STRN3: variants seen among roughly 807,000 people sequenced by gnomAD.
STRN3 encodes the protein striatin 3.
STRN3 carries 29 observed loss-of-function variants against 95.6 expected under a neutral mutation model. The ratio of observed to expected loss-of-function variants is 0.30; its 90% CI spans 0.23 to 0.41. The LOEUF (loss-of-function observed/expected upper bound fraction) is 0.41. Ranked by LOEUF, STRN3 falls within the 10% of genes least tolerant of loss-of-function variation. The pLI, the probability that STRN3 is intolerant of heterozygous loss-of-function variation, is 1.00. For missense variants in STRN3, 890 were observed against 972.1 expected, an observed-to-expected ratio of 0.92 and a Z score of 1.12; for synonymous variants, 331 against 357.6, an observed-to-expected ratio of 0.93 and a Z score of 0.84.
In STRN3 at chr14:30,895,704, T is replaced by C. The variant is rs770831475; in HGVS notation, c.2182A>G (p.Ser728Gly). 6.2e-7 allele frequency: 1 copy of C among 1,614,086 alleles called. No individual in the cohort carries two copies. The highest frequency in any genetic ancestry group is 8.5e-7 in the Non-Finnish European group (1 of 1,179,996). ...SMVAHLDAVT[S>G]LAVDPNGIYL... ...ATTCCATTAGGATCTACTGCTAGAC[T>C]TGTAACAGCATCCAAGTGAGCTACC... Residue 728 changes from serine to glycine, a missense_variant, in exon 17 of 18, where the codon AGT becomes GGT. Around this residue, in one of 3 missense-constraint regions of STRN3, gnomAD observed 357 missense variants for 422.8 expected, o/e 0.84. Coordinates refer to ENST00000357479, the MANE Select transcript of STRN3 (RefSeq NM_001083893.2).
In STRN3 at chr14:30,956,203, C is replaced by T. The variant is rs745520458; in HGVS notation, c.322G>A (p.Glu108Lys). 6.2e-7 allele frequency: 1 copy of T among 1,613,932 alleles called. No homozygotes were observed. The highest frequency in any genetic ancestry group is 1.7e-5 in the Admixed American group (1 of 60,004). Residue 108 changes from glutamate to lysine, a missense_variant, in exon 2 of 18, where the codon GAG (glutamate) becomes AAG (lysine). By Grantham distance (56) the Glu-to-Lys change is moderately conservative (BLOSUM62 1). Around this residue, in one of 3 missense-constraint regions of STRN3, gnomAD observed 526 missense variants for 526.3 expected, o/e 1.00. Transcript: ENST00000357479. Reference sequence around the variant, plus strand: ...CTTACTAAGTCCTTCTTCAGGTTCTCTTGACCTTTTCTTTCGCCTTGTAGA... The same window carrying T: ...CTTACTAAGTCCTTCTTCAGGTTCTTTTGACCTTTTCTTTCGCCTTGTAGA... ...AFLQGERKGQ[E>K]NLKKDLVRRI...
At chr14:30,954,096 T>C (rs1294835920) in intron 3 of STRN3, among the ~76,000 whole-genome samples, 5 of 152,192 alleles carry the variant, frequency 3.3e-5, no homozygotes, top group Non-Finnish European at 7.3e-5. Flanking sequence ...CAGTGTCTAA[T>C]TGTATTCCAT....
chr14:31,009,931 T>C (rs1049947640), intron 1 of STRN3, among the ~76,000 whole-genome samples: 1 of 151,878 alleles, frequency 6.6e-6, no homozygotes, highest in Non-Finnish European at 1.5e-5. Context: ...AGACACCATC[T>C]CCATGAAAAA....
chr14:30,994,346 A>G (rs1276325484), intron 1 of STRN3, among the ~76,000 whole-genome samples: 1 of 152,194 alleles, frequency 6.6e-6, no homozygotes, highest in Non-Finnish European at 1.5e-5. Flanking sequence ...TTTCTTTAAA[A>G]TCGTTTAGAA....
At chr14:30,926,536 T>C (rs1345774780) in intron 8 of STRN3, among the ~76,000 whole-genome samples, 1 of 151,888 alleles carries the variant, frequency 6.6e-6, no homozygotes, top group African/African-American at 2.4e-5. Flanking sequence ...CTACTTCTTA[T>C]ATTACTTCTT....
At chr14:30,928,244 G>C (rs915800322) in intron 8 of STRN3, among the ~76,000 whole-genome samples, 3 of 152,042 alleles carry the variant, frequency 2.0e-5, no homozygotes, top group Non-Finnish European at 4.4e-5. Context: ...CACTCAAAAA[G>C]GTTTTACTGA....
At chr14:30,919,849 T>C (rs1489834034) in intron 8 of STRN3, among the ~76,000 whole-genome samples, 1 of 152,182 alleles carries the variant, frequency 6.6e-6, no homozygotes, top group Non-Finnish European at 1.5e-5. Flanking sequence ...CAAAAGCTTC[T>C]GTACCATTGT....
chr14:30,919,162 G>A (rs889711426), intron 8 of STRN3, 56 bp from the exon 9 acceptor site: 22 of 1,449,708 alleles, frequency 1.5e-5, no homozygotes, highest in Admixed American at 4.5e-5. Flanking sequence ...TTGACTTTCC[G>A]GCAGCCTTTA....
At chr14:30,922,266 AATCCTCTCTCCTAAGC>A (rs900870597) in intron 8 of STRN3, among the ~76,000 whole-genome samples, 47 of 152,186 alleles carry the variant, frequency 3.1e-4, no homozygotes, top group African/African-American at 1.1e-3. Flanking sequence ...GGGGTCAAGC[AATCCTCTCTCCTAAGC>A]ATCCCAAAGT....
At chr14:30,984,796 A>C (rs1881598907) in intron 1 of STRN3, among the ~76,000 whole-genome samples, 1 of 152,050 alleles carries the variant, frequency 6.6e-6, no homozygotes, top group African/African-American at 2.4e-5. Flanking sequence ...AATTTAAATA[A>C]AAAATAAAAA....
At chr14:30,961,604 T>A (rs536021425) in intron 1 of STRN3, among the ~76,000 whole-genome samples, 1 of 152,312 alleles carries the variant, frequency 6.6e-6, no homozygotes, top group African/African-American at 2.4e-5. Flanking sequence ...GCTCAATACT[T>A]ATAATGACAA....
At chr14:30,955,804 T>C (rs1021572668) in intron 2 of STRN3, 111 bp from the exon 3 acceptor site, 1 of 948,148 alleles carries the variant, frequency 1.1e-6, no homozygotes, top group Non-Finnish European at 1.5e-6. Context: ...CTTTAAACTT[T>C]GTTTGCAAAG....
chr14:30,991,082 C>T (rs1169814409), intron 1 of STRN3, among the ~76,000 whole-genome samples: 1 of 152,190 alleles, frequency 6.6e-6, no homozygotes, highest in Non-Finnish European at 1.5e-5. Flanking sequence ...TCATTAGCTG[C>T]TTCAGAAACA....
intron 8 of STRN3, among the ~76,000 whole-genome samples, chr14:30,923,058 G>T (rs1443279331): frequency 6.6e-6 from 1 of 152,166 alleles, no homozygotes. Context: ...CTTTGAGGGA[G>T]GAGAGAGAAT....
At chr14:30,912,726 T>C (rs371749955) in intron 10 of STRN3, among the ~76,000 whole-genome samples, 1 of 152,116 alleles carries the variant, frequency 6.6e-6, no homozygotes, top group Admixed American at 6.6e-5. Context: ...CATTTCTCCA[T>C]CTGTAAAGAT....
chr14:30,992,565 TAAAAAAAAAAAA>T (rs58987293), intron 1 of STRN3, among the ~76,000 whole-genome samples: 2 of 94,072 alleles, frequency 2.1e-5, no homozygotes, highest in East Asian at 6.7e-4. Context: ...CCTGTCTCTT[TAAAAAAAAAAAA>T]AAAAAAAAAA....
intron 1 of STRN3, among the ~76,000 whole-genome samples, chr14:30,989,456 AT>A (rs762498951): frequency 6.6e-6 from 1 of 151,848 alleles, no homozygotes; most frequent in East Asian, 1.9e-4. Flanking sequence ...TAAACACAGG[AT>A]TTTTATTTAT....
chr14:30,963,217 C>T (rs752359895), intron 1 of STRN3, among the ~76,000 whole-genome samples: 2 of 151,950 alleles, frequency 1.3e-5, no homozygotes, highest in Non-Finnish European at 2.9e-5. Flanking sequence ...ATTCAATACC[C>T]CACTCTAAAT....
At chr14:30,903,514 G>A (rs945297475) in intron 15 of STRN3, among the ~76,000 whole-genome samples, 1 of 152,128 alleles carries the variant, frequency 6.6e-6, no homozygotes, top group South Asian at 2.1e-4. Flanking sequence ...GGCTTCTCCT[G>A]CTTCAGTCTC....
Sources: gnomAD v4.1 joint callset for allele counts (sites outside exome capture counted in the v4.1 genomes callset) on GRCh38, gnomAD v4.1.1 for gene constraint, gnomAD v4.1.1 regional missense constraint, MANE v1.5 for transcripts, NCBI Gene and HGNC (gene_info 2026-07-23, HGNC 2026-07-21) for gene names.